Variants in PSTPIP2 observed in about 807,000 individuals in gnomAD.
PSTPIP2 encodes proline-serine-threonine phosphatase interacting protein 2, also known as proline-serine-threonine phosphatase-interacting protein 2.
Under a neutral mutation model 63.3 loss-of-function variants are expected in PSTPIP2, and 33 were observed. The ratio of observed to expected loss-of-function variants is 0.52; its 90% CI spans 0.40 to 0.70. The LOEUF (loss-of-function observed/expected upper bound fraction) is 0.70. Among genes scored for constraint, PSTPIP2 ranks in the 30% least tolerant of loss-of-function variants. The probability of loss-of-function intolerance (pLI) is 0.00; values close to 1 mark genes in which losing one functional copy is unlikely to be tolerated. For synonymous variants in PSTPIP2, 125 were observed against 132.7 expected (o/e 0.94, Z 0.40); for missense variants, 312 against 400.7 (o/e 0.78, Z 1.89).
intron 9 of PSTPIP2, among the ~76,000 whole-genome samples, chr18:45,994,402 T>G (rs1026153441): frequency 6.6e-6 from 1 of 152,142 alleles, no homozygotes; most frequent in African/African-American, 2.4e-5. Context: ...CCTTTTCCAC[T>G]CTATGAGGAG....
At chr18:46,005,873 A>C (rs2051719547) in intron 5 of PSTPIP2, among the ~76,000 whole-genome samples, 1 of 152,232 alleles carries the variant, frequency 6.6e-6, no homozygotes, top group African/African-American at 2.4e-5. Flanking sequence ...AGTGCCATTT[A>C]TATTTTAAAA....
At chr18:46,024,552 G>A in intron 3 of PSTPIP2, 57 bp downstream of exon 3, 1 of 1,438,034 alleles carries the variant, frequency 7.0e-7, no homozygotes, top group African/African-American at 1.4e-5. Context: ...GCTGAAGCGA[G>A]GGAGCTCCCA....
At chr18:46,004,301 T>G (rs191896420) in intron 6 of PSTPIP2, among the ~76,000 whole-genome samples, 1 of 152,262 alleles carries the variant, frequency 6.6e-6, no homozygotes, top group Admixed American at 6.5e-5. Flanking sequence ...CCCTATTACA[T>G]CCTACTCGTA....
intron 1 of PSTPIP2, among the ~76,000 whole-genome samples, chr18:46,055,446 C>T (rs1169493497): frequency 6.6e-6 from 1 of 152,160 alleles, no homozygotes; most frequent in African/African-American, 2.4e-5. Flanking sequence ...TCTGCCACCC[C>T]AGTAGCTGGG....
chr18:45,987,731 GT>G (rs971529537), intron 14 of PSTPIP2, among the ~76,000 whole-genome samples: 14 of 151,984 alleles, frequency 9.2e-5, no homozygotes, highest in African/African-American at 1.7e-4. Context: ...TTTATGAAGA[GT>G]TTTTTTTAGT....
intron 1 of PSTPIP2, among the ~76,000 whole-genome samples, chr18:46,062,833 C>T (rs1330918817): frequency 1.3e-5 from 2 of 151,980 alleles, no homozygotes; most frequent in Non-Finnish European, 2.9e-5. Flanking sequence ...CTCTTTTTAG[C>T]CTGAAGGAGA....
intron 1 of PSTPIP2, among the ~76,000 whole-genome samples, chr18:46,063,425 A>G (rs1179091621): frequency 2.0e-5 from 3 of 152,204 alleles, no homozygotes; most frequent in Non-Finnish European, 2.9e-5. Context: ...CCATATACAT[A>G]TATCATTTTA....
chr18:46,058,614 C>T (rs1908864518), intron 1 of PSTPIP2, among the ~76,000 whole-genome samples: 1 of 152,156 alleles, frequency 6.6e-6, no homozygotes, highest in South Asian at 2.1e-4. Context: ...CCACCTTGGC[C>T]TCCCAAAATG....
At chr18:45,995,095 G>A (rs117521235) in intron 9 of PSTPIP2, among the ~76,000 whole-genome samples, 2,987 of 152,012 alleles carry the variant, frequency 0.02, 45 homozygotes, top group Middle Eastern at 0.031. Context: ...GGGTTGTTTC[G>A]TTGTTTGGTT....
chr18:46,071,804 GGTTGATGTCCTGACTCTAAGGT>G (rs932805282), intron 1 of PSTPIP2, among the ~76,000 whole-genome samples: 6 of 152,228 alleles, frequency 3.9e-5, no homozygotes, highest in African/African-American at 1.4e-4. Context: ...TGAGAGGAGG[GGTTGATGTCCTGACTCTAAGGT>G]GTCTCGGCTC....
chr18:46,032,754 C>CA (rs762015034), intron 2 of PSTPIP2, among the ~76,000 whole-genome samples: 1,995 of 49,848 alleles, frequency 0.04, 64 homozygotes, highest in Middle Eastern at 0.062. Context: ...AACTCTGTGT[C>CA]AAAAAAAAAA....
chr18:46,021,847 T>G (rs868068977), intron 3 of PSTPIP2, among the ~76,000 whole-genome samples: 12 of 30,940 alleles, frequency 3.9e-4, no homozygotes, highest in Middle Eastern at 0.021. Flanking sequence ...AGACTCTGTC[T>G]CAAAAAAAAA....
At chr18:46,016,342 C>T (rs1173183279) in intron 3 of PSTPIP2, 1 of 171,788 alleles carries the variant, frequency 5.8e-6, no homozygotes, top group African/African-American at 2.4e-5. Flanking sequence ...CCAGCCTGCG[C>T]AACAGAGCAA....
intron 1 of PSTPIP2, chr18:46,040,880 G>A (rs2144112041): frequency 2.5e-6 from 1 of 393,428 alleles, no homozygotes; most frequent in Non-Finnish European, 5.1e-6. Context: ...CTCTACTGAA[G>A]CCCAAATTCA....
At chr18:46,029,764 C>T (rs1241890702) in intron 2 of PSTPIP2, 2 of 558,024 alleles carry the variant, frequency 3.6e-6, no homozygotes, top group Non-Finnish European at 3.3e-6. Context: ...AACTATTTCT[C>T]ATGTTTACGC....
In PSTPIP2 at chr18:45,988,221, C is replaced by G. The variant is rs559807553; in HGVS notation, c.*8+481G>C. ...CTGAGGTGGGCAGATCACTTCAGGT[C>G]AGGAGTTCAACATCAGCCTGGCCAA... On this transcript the variant is annotated intron_variant, in intron 14 of 14. Coordinates refer to ENST00000409746, the MANE Select transcript of PSTPIP2 (RefSeq NM_024430.4). Among the ~76,000 whole-genome samples, 7 of 152,168 alleles carry G rather than the reference C, an allele frequency of 4.6e-5. No individual in the cohort carries two copies. In the South Asian group the frequency reaches 1.5e-3, roughly 32 times the overall value.
chr18:46,035,067 A>T (rs1045313793), intron 2 of PSTPIP2, among the ~76,000 whole-genome samples: 1 of 152,120 alleles, frequency 6.6e-6, no homozygotes, highest in Non-Finnish European at 1.5e-5. Flanking sequence ...AGATGGCTTC[A>T]TTTCAATTGT....
At chr18:45,999,577 G>T in intron 6 of PSTPIP2, 43 bp from the exon 7 acceptor site, 1 of 1,604,900 alleles carries the variant, frequency 6.2e-7, no homozygotes, top group Non-Finnish European at 8.5e-7. Flanking sequence ...AATGAACAGA[G>T]TGTAACCATG....
intron 1 of PSTPIP2, among the ~76,000 whole-genome samples, chr18:46,052,666 T>A (rs1397820746): frequency 6.6e-6 from 1 of 152,202 alleles, no homozygotes; most frequent in East Asian, 1.9e-4. Flanking sequence ...AAAGCATAAT[T>A]GAAAGAATCC....
Sources: allele counts gnomAD v4.1 joint callset (sites outside exome capture counted in the v4.1 genomes callset), GRCh38; gene constraint gnomAD v4.1.1; transcripts MANE v1.5; gene names NCBI Gene and HGNC (gene_info 2026-07-23, HGNC 2026-07-21).